DDR2: variants seen among roughly 807,000 people sequenced by gnomAD.
The protein encoded by DDR2 is discoidin domain-containing receptor 2.
A neutral mutation model predicts 94.9 loss-of-function variants in DDR2; 27 were observed. The observed-to-expected ratio is 0.28, with a 90% CI of 0.21 to 0.39. The LOEUF (loss-of-function observed/expected upper bound fraction) is 0.39. Among genes scored for constraint, DDR2 ranks in the 10% least tolerant of loss-of-function variants. The pLI is 1.00. For missense variants in DDR2, 783 were observed against 1,076.0 expected (o/e 0.73, Z 3.81); for synonymous variants, 382 against 377.2 (o/e 1.01, Z -0.15).
At chr1:162,749,839 T>G (rs1663087378) in intron 3 of DDR2, among the ~76,000 whole-genome samples, 1 of 152,252 alleles carries the variant, frequency 6.6e-6, no homozygotes, top group Admixed American at 6.5e-5. Context: ...ATCCCTGGGA[T>G]GCAAGGCTGC....
Position 162,698,769 on chromosome 1 carries a change from T to C in DDR2, c.-27-20268T>C, listed in dbSNP as rs183989263. ...GTAATTTACCATTCTCTTCTTGAACTATGCAGCAGTCTGAGGGGCTGTACA... is the reference window on the plus strand; with the variant it reads ...GTAATTTACCATTCTCTTCTTGAACCATGCAGCAGTCTGAGGGGCTGTACA... On this transcript the variant is annotated intron_variant, in intron 2 of 17. Coordinates refer to ENST00000367921, the MANE Select transcript of DDR2 (RefSeq NM_006182.4). Among the ~76,000 whole-genome samples the C allele has an allele frequency of 2.3e-3, 347 of 152,312 alleles. 2 individuals carry two copies. Among genetic ancestry groups the C allele is most frequent in the African/African-American group, 7.8e-3 (323 of 41,576 alleles).
intron 2 of DDR2, among the ~76,000 whole-genome samples, chr1:162,710,265 G>A (rs1424015887): frequency 1.3e-5 from 2 of 152,134 alleles, no homozygotes; most frequent in Admixed American, 6.5e-5. Context: ...AGTGGAGCTT[G>A]CTATTTCATC....
At chr1:162,686,251 CA>C (rs1348618748) in intron 2 of DDR2, among the ~76,000 whole-genome samples, 1 of 152,010 alleles carries the variant, frequency 6.6e-6, no homozygotes, top group Non-Finnish European at 1.5e-5. Context: ...GCAGAACGTG[CA>C]GGTTTGTTGC....
At chr1:162,731,775 TG>T (rs1387366541) in intron 3 of DDR2, among the ~76,000 whole-genome samples, 1 of 152,238 alleles carries the variant, frequency 6.6e-6, no homozygotes, top group Non-Finnish European at 1.5e-5. Context: ...AACCTTGGCT[TG>T]GCAGGATTAT....
At chr1:162,635,536 C>T (rs1385819065) in intron 1 of DDR2, among the ~76,000 whole-genome samples, 4 of 152,196 alleles carry the variant, frequency 2.6e-5, no homozygotes, top group Non-Finnish European at 5.9e-5. Flanking sequence ...TAAATGGTGA[C>T]CTGTCCGCAA....
At chr1:162,664,548 A>T (rs1571165367) in intron 2 of DDR2, among the ~76,000 whole-genome samples, 1 of 152,298 alleles carries the variant, frequency 6.6e-6, no homozygotes, top group African/African-American at 2.4e-5. Context: ...GTTTTAGATA[A>T]CACAAGAAGG....
At chr1:162,722,894 C>A (rs1325087511) in intron 3 of DDR2, among the ~76,000 whole-genome samples, 2 of 152,138 alleles carry the variant, frequency 1.3e-5, no homozygotes, top group African/African-American at 4.8e-5. Flanking sequence ...GGAAGTATAG[C>A]CCCTGAAGTT....
At chr1:162,670,463 G>A (rs1320246431) in intron 2 of DDR2, among the ~76,000 whole-genome samples, 1 of 152,144 alleles carries the variant, frequency 6.6e-6, no homozygotes, top group African/African-American at 2.4e-5. Flanking sequence ...AGGTTACCTA[G>A]GATGATCTTC....
At chr1:162,735,948 C>G (rs1283398316) in intron 3 of DDR2, among the ~76,000 whole-genome samples, 1 of 152,236 alleles carries the variant, frequency 6.6e-6, no homozygotes, top group Non-Finnish European at 1.5e-5. Flanking sequence ...AGCAGAGGCT[C>G]TCATTGCATT....
chr1:162,746,662 C>T (rs1450142016), intron 3 of DDR2, among the ~76,000 whole-genome samples: 1 of 152,192 alleles, frequency 6.6e-6, no homozygotes, highest in African/African-American at 2.4e-5. Flanking sequence ...GAATGGACAG[C>T]CTGCCTCATC....
intron 16 of DDR2, chr1:162,777,747 T>A (rs778019448): frequency 5.3e-5 from 8 of 152,214 alleles, no homozygotes; most frequent in Non-Finnish European, 8.8e-5. Context: ...TGGTGGTATG[T>A]ACCTGTAGTC....
rs958986946 is a variant in DDR2 at position 162,780,952 on chromosome 1, T to A, written c.*706T>A. 2.1e-5 allele frequency: 1 copy of A among 47,438 alleles called. No individual in the cohort carries two copies. Among genetic ancestry groups the A allele is most frequent in the Non-Finnish European group, 4.9e-5 (1 of 20,228 alleles). 2.9% of individuals were successfully genotyped at this position (47,438 alleles called of 1,614,324 possible). The stretch of plus-strand genomic sequence containing the variant: ...GCTGCAAGAGTGTATGAAGGGGGAT[T>A]GTCATTTACAAAAAAAAAGTACCTC... On this transcript the variant is annotated 3_prime_UTR_variant, in exon 18 of 18. Transcript: ENST00000367921.
chr1:162,659,769 T>C (rs1363380243), intron 2 of DDR2, among the ~76,000 whole-genome samples: 1 of 152,104 alleles, frequency 6.6e-6, no homozygotes, highest in Admixed American at 6.6e-5. Flanking sequence ...AATGTAAAAA[T>C]ATATATGCAT....
intron 2 of DDR2, among the ~76,000 whole-genome samples, chr1:162,675,196 A>C (rs772593905): frequency 6.6e-6 from 1 of 152,056 alleles, no homozygotes; most frequent in Non-Finnish European, 1.5e-5. Context: ...CTTCATTCAG[A>C]AAGTGCTTCC....
In DDR2 at chr1:162,783,914, AATGAAGACCCAGAG is replaced by A. The variant is rs1376860544; in HGVS notation, c.*3672_*3685del. ...TTGGTTTTCCAAGTGCTGCTTTGGA[AATGAAGACCCAGAG>A]ATGCAGAGCTTATGGTAGTTCATAA... On this transcript the variant is annotated 3_prime_UTR_variant, in exon 18 of 18. Coordinates refer to ENST00000367921, the MANE Select transcript of DDR2 (RefSeq NM_006182.4). 1 of 152,200 alleles carries A rather than the reference AATGAAGACCCAGAG, an allele frequency of 6.6e-6. No homozygotes were observed. The highest frequency in any genetic ancestry group is 1.5e-5 in the Non-Finnish European group (1 of 68,030). 9.4% of individuals were successfully genotyped at this position (152,200 alleles called of 1,614,324 possible).
Position 162,773,610 on chromosome 1 carries a change from A to C in DDR2, c.1856+14A>C. ...CAAGAATGCCAGGTCTGTGGTCTAC[A>C]TTTTGAATTTTCCTTTAGGTATTTC... On this transcript the variant is annotated intron_variant, in intron 14 of 17. Transcript: ENST00000367921. The C allele has an allele frequency of 6.2e-7, 1 of 1,613,714 alleles. No homozygotes were observed. The highest frequency in any genetic ancestry group is 8.5e-7 in the Non-Finnish European group (1 of 1,179,724).
intron 3 of DDR2, among the ~76,000 whole-genome samples, chr1:162,751,763 A>T (rs1312873262): frequency 1.3e-5 from 2 of 152,240 alleles, no homozygotes; most frequent in Non-Finnish European, 2.9e-5. Context: ...TCCATCAATG[A>T]TAGACTGGAT....
In DDR2 at chr1:162,766,138, AAGCCCTGGCTGTGTGGG is replaced by A; in HGVS notation, c.1162+78_1162+94del. 2.0e-6 allele frequency: 3 copies of A among 1,527,454 alleles called. No individual in the cohort carries two copies. In the South Asian group the frequency reaches 3.4e-5, roughly 17 times the overall value. The allele number at this position is 1,527,454 out of a possible 1,614,324, so 94.6% of individuals were successfully genotyped here. On this transcript the variant is annotated intron_variant, in intron 10 of 17. Coordinates refer to ENST00000367921, the MANE Select transcript of DDR2 (RefSeq NM_006182.4). ...GGATGAAGAAGGGTGGAGAGTTGCAAAGCCCTGGCTGTGTGGGAGGCTTTACACCAGTTGGCTTTGGA... is the reference window on the plus strand; with the variant it reads ...GGATGAAGAAGGGTGGAGAGTTGCAAAGGCTTTACACCAGTTGGCTTTGGA...
chr1:162,759,745 G>T, intron 7 of DDR2, 51 bp from the exon 8 acceptor site: 1 of 1,609,484 alleles, frequency 6.2e-7, no homozygotes. Flanking sequence ...CGAATGTGTG[G>T]TTAACTCAGA....
Sources: allele counts gnomAD v4.1 joint callset (sites outside exome capture counted in the v4.1 genomes callset), GRCh38; gene constraint gnomAD v4.1.1; transcripts MANE v1.5; gene names NCBI Gene and HGNC (gene_info 2026-07-23, HGNC 2026-07-21).